Variants in LRP1B observed in about 807,000 individuals in gnomAD.
LRP1B encodes low-density lipoprotein receptor-related protein 1B.
LRP1B carries 217 observed loss-of-function variants against 556.6 expected under a neutral mutation model. The observed-to-expected ratio is 0.39, with a 90% CI of 0.35 to 0.44. The LOEUF (loss-of-function observed/expected upper bound fraction) is 0.44. Ranked by LOEUF, LRP1B falls within the 20% of genes least tolerant of loss-of-function variation. The pLI is 1.00. For missense variants in LRP1B, 5,053 were observed against 5,620.8 expected (o/e 0.90, Z 3.23); for synonymous variants, 2,047 against 1,865.8 (o/e 1.10, Z -2.50).
chr2:140,267,699 A>G (rs552139863), intron 86 of LRP1B, among the ~76,000 whole-genome samples: 92 of 151,986 alleles, frequency 6.1e-4, no homozygotes, highest in African/African-American at 2.2e-3. Flanking sequence ...GGGGATATAG[A>G]GGGCTGATTG....
At chr2:140,856,218 G>A (rs1422649183) in intron 27 of LRP1B, among the ~76,000 whole-genome samples, 2 of 152,102 alleles carry the variant, frequency 1.3e-5, no homozygotes, top group Admixed American at 6.5e-5. Flanking sequence ...ACCTCCACAT[G>A]ATGTACTTTT....
intron 32 of LRP1B, among the ~76,000 whole-genome samples, chr2:140,808,989 A>G (rs897260971): frequency 2.6e-5 from 4 of 151,992 alleles, no homozygotes; most frequent in African/African-American, 9.7e-5. Context: ...TTTTTCTACT[A>G]AAGTCCCCTC....
chr2:142,074,516 G>T (rs1421888766), intron 1 of LRP1B, among the ~76,000 whole-genome samples: 1 of 151,904 alleles, frequency 6.6e-6, no homozygotes, highest in Non-Finnish European at 1.5e-5. Flanking sequence ...TTCATTTCTG[G>T]CCATGCCTTC....
intron 29 of LRP1B, among the ~76,000 whole-genome samples, chr2:140,845,260 A>G (rs1692240373): frequency 6.6e-6 from 1 of 152,184 alleles, no homozygotes; most frequent in African/African-American, 2.4e-5. Context: ...TAGTAGCCAT[A>G]AGAAATCCAC....
At chr2:141,811,210 T>C (rs1018489183) in intron 1 of LRP1B, among the ~76,000 whole-genome samples, 1 of 152,080 alleles carries the variant, frequency 6.6e-6, no homozygotes, top group African/African-American at 2.4e-5. Context: ...ATGTCTGAAA[T>C]AGGAATGTTT....
rs767992601 is a variant in LRP1B, at chr2:140,442,605, G to A, written c.10313C>T (p.Pro3438Leu). ...ERDCPENSCS[P>L]DYFQCKTTKH... is the part of the protein sequence containing the mutation. Reference sequence around the variant, plus strand: ...CGTAGTCTTACACTGGAAATAGTCTGGAGAACAGCTGTTTTCAGCTTAGAA... The same window carrying A: ...CGTAGTCTTACACTGGAAATAGTCTAGAGAACAGCTGTTTTCAGCTTAGAA... The change falls in exon 66 of 91, where the codon CCA becomes CTA. Residue 3438 changes from proline to leucine, a missense_variant. This residue lies in a region of LRP1B where 262 missense variants were observed against 395.1 expected (regional missense o/e 0.66). Coordinates refer to ENST00000389484, the MANE Select transcript of LRP1B (RefSeq NM_018557.3). 5.0e-6 allele frequency: 8 copies of A among 1,613,674 alleles called. No homozygotes were observed. Among genetic ancestry groups the A allele is most frequent in the Non-Finnish European group, 4.2e-6 (5 of 1,179,766 alleles).
intron 31 of LRP1B, among the ~76,000 whole-genome samples, chr2:140,833,146 G>C (rs78932485): frequency 0.071 from 10,741 of 152,166 alleles, 589 homozygotes; most frequent in East Asian, 0.17. Flanking sequence ...ATAAGCTTCA[G>C]TAATCCTGTG....
At chr2:141,345,584 G>A (rs1418851393) in intron 3 of LRP1B, among the ~76,000 whole-genome samples, 2 of 151,536 alleles carry the variant, frequency 1.3e-5, no homozygotes, top group Non-Finnish European at 2.9e-5. Context: ...CTAACACCTA[G>A]GCTCAAGGGA....
intron 60 of LRP1B, among the ~76,000 whole-genome samples, chr2:140,462,347 G>A (rs1323415052): frequency 6.6e-6 from 1 of 152,136 alleles, no homozygotes; most frequent in Non-Finnish European, 1.5e-5. Flanking sequence ...ATCTTTAAAT[G>A]ATAGTTGCAG....
At chr2:140,537,957 C>T (rs1421700275) in intron 45 of LRP1B, among the ~76,000 whole-genome samples, 1 of 151,994 alleles carries the variant, frequency 6.6e-6, no homozygotes, top group Non-Finnish European at 1.5e-5. Context: ...CATGTACGTA[C>T]TCACCCCATT....
intron 3 of LRP1B, among the ~76,000 whole-genome samples, chr2:141,459,143 C>T (rs764491153): frequency 2.6e-5 from 4 of 152,206 alleles, no homozygotes; most frequent in African/African-American, 7.2e-5. Context: ...AAGCTCCCAG[C>T]GAACCTGGCA....
chr2:140,270,136 A>G (rs549758867), intron 86 of LRP1B, 106 bp downstream of exon 86: 3 of 765,440 alleles, frequency 3.9e-6, no homozygotes, highest in Non-Finnish European at 6.8e-6. Flanking sequence ...GATGTCCATG[A>G]AACACTCATT....
intron 2 of LRP1B, among the ~76,000 whole-genome samples, chr2:141,799,796 T>A (rs1695943333): frequency 8.8e-6 from 1 of 113,228 alleles, no homozygotes; most frequent in African/African-American, 3.4e-5. Flanking sequence ...AATCTGTTTT[T>A]AAAGAGTGTG....
At chr2:141,442,166 T>A (rs1681001937) in intron 3 of LRP1B, among the ~76,000 whole-genome samples, 1 of 152,122 alleles carries the variant, frequency 6.6e-6, no homozygotes, top group Admixed American at 6.6e-5. Flanking sequence ...AAATAGAGAA[T>A]GAGTAGCTGA....
At chr2:141,941,494 T>G (rs1001701027) in intron 1 of LRP1B, among the ~76,000 whole-genome samples, 3 of 152,202 alleles carry the variant, frequency 2.0e-5, no homozygotes, top group Admixed American at 2.0e-4. Context: ...TTTCACCTAT[T>G]CCTTGTTGAA....
At chr2:141,250,690 C>T (rs1216949360) in intron 4 of LRP1B, among the ~76,000 whole-genome samples, 2 of 152,156 alleles carry the variant, frequency 1.3e-5, no homozygotes, top group Non-Finnish European at 2.9e-5. Context: ...AGTCCTGGAA[C>T]TTGCATCTGG....
chr2:140,343,203 A>C (rs1338745805), intron 77 of LRP1B, among the ~76,000 whole-genome samples: 2 of 151,624 alleles, frequency 1.3e-5, no homozygotes, highest in Non-Finnish European at 3.0e-5. Context: ...ACAGTATAGA[A>C]AATACACATC....
rs947672175 is a variant in LRP1B, at chr2:141,285,306, C to T, written c.344-30665G>A. Among the ~76,000 whole-genome samples, 3 of 151,158 alleles carry T rather than the reference C, an allele frequency of 2.0e-5. No individual in the cohort carries two copies. In the South Asian group the frequency reaches 6.3e-4, roughly 32 times the overall value. ...GTTTCACTATGTTGGCCAGGCTGGT[C>T]TCGAACTCCTGACCTCGTTTTCCAC... is the stretch of plus-strand genomic sequence containing the variant. On this transcript the variant is annotated intron_variant, in intron 3 of 90. Coordinates refer to ENST00000389484, the MANE Select transcript of LRP1B (RefSeq NM_018557.3).
At chr2:140,681,528 C>A (rs1192036818) in intron 41 of LRP1B, among the ~76,000 whole-genome samples, 1 of 151,980 alleles carries the variant, frequency 6.6e-6, no homozygotes, top group East Asian at 1.9e-4. Context: ...AAAATGATAG[C>A]GCTTTTAATA....
Sources: allele counts gnomAD v4.1 joint callset (sites outside exome capture counted in the v4.1 genomes callset), GRCh38; gene constraint gnomAD v4.1.1; regional missense constraint gnomAD v4.1.1; transcripts MANE v1.5; gene names NCBI Gene and HGNC (gene_info 2026-07-23, HGNC 2026-07-21).